Variants in PCDH9 observed in about 807,000 individuals in gnomAD.
PCDH9 encodes protocadherin-9.
PCDH9 carries 24 observed loss-of-function variants against 70.6 expected under a neutral mutation model. The observed-to-expected ratio is 0.34, with a 90% CI of 0.25 to 0.48. The LOEUF (loss-of-function observed/expected upper bound fraction) is 0.48, where lower values mean the gene tolerates loss of function less well. Among genes scored for constraint, PCDH9 ranks in the 20% least tolerant of loss-of-function variants. The pLI, the probability that PCDH9 is intolerant of heterozygous loss-of-function variation, is 0.99. For synonymous variants in PCDH9, 562 were observed against 558.5 expected (o/e 1.01, Z -0.09); for missense variants, 1,281 against 1,503.6 (o/e 0.85, Z 2.45).
At chr13:66,856,272 G>A (rs1421006360) in intron 3 of PCDH9, among the ~76,000 whole-genome samples, 1 of 151,930 alleles carries the variant, frequency 6.6e-6, no homozygotes, top group Non-Finnish European at 1.5e-5. Context: ...TAAAAGAAGA[G>A]TAAAACACAC....
chr13:67,196,269 T>G (rs902831557), intron 2 of PCDH9, among the ~76,000 whole-genome samples: 2 of 152,090 alleles, frequency 1.3e-5, no homozygotes, highest in Non-Finnish European at 2.9e-5. Context: ...CTAATAGGGA[T>G]ATGAATTAGC....
intron 2 of PCDH9, among the ~76,000 whole-genome samples, chr13:67,051,381 G>GCTTTTTTTT (rs1566390103): frequency 1.1e-5 from 1 of 87,730 alleles, no homozygotes; most frequent in Non-Finnish European, 2.2e-5. Flanking sequence ...AACAATACAA[G>GCTTTTTTTT]ATTTTTTTTT....
chr13:66,737,153 ATAAT>A, intron 3 of PCDH9, among the ~76,000 whole-genome samples: 1 of 152,294 alleles, frequency 6.6e-6, no homozygotes, highest in Admixed American at 6.5e-5. Flanking sequence ...TCATCAAATA[ATAAT>A]TGTTTTAGAA....
intron 3 of PCDH9, among the ~76,000 whole-genome samples, chr13:66,698,895 C>CTTTTTTTTTTT (rs67333897): frequency 1.1e-3 from 68 of 60,994 alleles, no homozygotes; most frequent in Non-Finnish European, 1.4e-3. Flanking sequence ...CTCAATTCCT[C>CTTTTTTTTTTT]TTTTTTTTTT....
In PCDH9 at chr13:66,659,588, T is replaced by A. The variant is rs867512870; in HGVS notation, c.3139-28177A>T. On this transcript the variant is annotated intron_variant, in intron 3 of 4. Coordinates refer to ENST00000377865, the MANE Select transcript of PCDH9 (RefSeq NM_203487.3). ...TTGGTAGAACAAGCAAAGAAGAGGTTTGCTTAATCTTTCGCAGGTTTTAAT... is the reference window on the plus strand; with the variant it reads ...TTGGTAGAACAAGCAAAGAAGAGGTATGCTTAATCTTTCGCAGGTTTTAAT... 4.2e-4 allele frequency among the ~76,000 whole-genome samples: 54 copies of A among 129,976 alleles called. No individual in the cohort carries two copies. The Middle Eastern group carries it at 0.017, about 41-fold the overall frequency. The allele number at this position is 129,976 out of a possible 152,430, so 85.3% of individuals were successfully genotyped here. A position where few individuals can be genotyped will look rare whatever the true frequency, so the allele number is the denominator to read the frequency against.
chr13:66,908,930 G>T (rs969971059), intron 2 of PCDH9, among the ~76,000 whole-genome samples: 2 of 152,022 alleles, frequency 1.3e-5, no homozygotes, highest in Non-Finnish European at 2.9e-5. Flanking sequence ...TCATATCATA[G>T]AATTGTAGAT....
At chr13:66,755,940 T>G (rs1350943496) in intron 3 of PCDH9, among the ~76,000 whole-genome samples, 3 of 152,196 alleles carry the variant, frequency 2.0e-5, no homozygotes, top group Non-Finnish European at 4.4e-5. Flanking sequence ...TCTGTGCATT[T>G]CAAAATCGTT....
At chr13:66,800,812 C>T (rs1364049188) in intron 3 of PCDH9, among the ~76,000 whole-genome samples, 1 of 151,944 alleles carries the variant, frequency 6.6e-6, no homozygotes, top group East Asian at 1.9e-4. Context: ...CTCATTATTC[C>T]TAATTTTCCT....
chr13:67,065,223 A>G (rs1364918982), intron 2 of PCDH9, among the ~76,000 whole-genome samples: 2 of 152,174 alleles, frequency 1.3e-5, no homozygotes, highest in African/African-American at 4.8e-5. Context: ...AACTGAAAAG[A>G]AAAACGAGCG....
At chr13:66,588,712 G>A (rs1318548325) in intron 4 of PCDH9, among the ~76,000 whole-genome samples, 1 of 151,496 alleles carries the variant, frequency 6.6e-6, no homozygotes, top group Non-Finnish European at 1.5e-5. Flanking sequence ...ATTTAGAGCT[G>A]TTAAACAAGT....
intron 3 of PCDH9, among the ~76,000 whole-genome samples, chr13:66,866,356 C>G (rs1372174460): frequency 6.6e-6 from 1 of 152,060 alleles, no homozygotes; most frequent in Non-Finnish European, 1.5e-5. Flanking sequence ...GTGGCGGGCG[C>G]CTGTAGTCCC....
intron 4 of PCDH9, among the ~76,000 whole-genome samples, chr13:66,395,637 A>C (rs915685940): frequency 6.6e-6 from 1 of 151,942 alleles, no homozygotes; most frequent in African/African-American, 2.4e-5. Flanking sequence ...ATAAAATAAA[A>C]AACAAACTGA....
At chr13:66,536,649 T>C (rs1231453140) in intron 4 of PCDH9, among the ~76,000 whole-genome samples, 1 of 152,096 alleles carries the variant, frequency 6.6e-6, no homozygotes, top group African/African-American at 2.4e-5. Flanking sequence ...AACTGAATTC[T>C]ACAAAAATTT....
intron 3 of PCDH9, among the ~76,000 whole-genome samples, chr13:66,695,143 T>G (rs568718185): frequency 6.6e-6 from 1 of 152,132 alleles, no homozygotes; most frequent in African/African-American, 2.4e-5. Context: ...GACCTCGTGA[T>G]CCTCCCGCCT....
intron 3 of PCDH9, among the ~76,000 whole-genome samples, chr13:66,724,628 A>G (rs546458816): frequency 6.6e-6 from 1 of 152,226 alleles, no homozygotes; most frequent in Admixed American, 6.5e-5. Context: ...TTCGTCAACA[A>G]ATCCTCCTTA....
intron 3 of PCDH9, among the ~76,000 whole-genome samples, chr13:66,892,896 C>A (rs1453396377): frequency 2.6e-5 from 4 of 151,924 alleles, no homozygotes; most frequent in African/African-American, 9.7e-5. Flanking sequence ...ATATTTATGT[C>A]TTTTTAAATT....
At chr13:67,016,758 G>A (rs1487318822) in intron 2 of PCDH9, among the ~76,000 whole-genome samples, 1 of 152,088 alleles carries the variant, frequency 6.6e-6, no homozygotes, top group Non-Finnish European at 1.5e-5. Flanking sequence ...TAATATTTTA[G>A]CAATAGTCTT....
intron 2 of PCDH9, among the ~76,000 whole-genome samples, chr13:67,024,947 T>C (rs1203041365): frequency 1.3e-5 from 2 of 152,164 alleles, no homozygotes; most frequent in African/African-American, 4.8e-5. Flanking sequence ...TCTACTTACA[T>C]AAATGAAAAT....
intron 2 of PCDH9, among the ~76,000 whole-genome samples, chr13:67,040,459 C>A (rs1266246964): frequency 6.6e-6 from 1 of 152,120 alleles, no homozygotes; most frequent in Non-Finnish European, 1.5e-5. Context: ...AAAAATAAGA[C>A]CTCAGAGAGC....
Sources: gnomAD v4.1 joint callset for allele counts (sites outside exome capture counted in the v4.1 genomes callset) on GRCh38, gnomAD v4.1.1 for gene constraint, MANE v1.5 for transcripts, NCBI Gene and HGNC (gene_info 2026-07-23, HGNC 2026-07-21) for gene names.